GTPBP1: variants seen among roughly 807,000 people sequenced by gnomAD.
The protein encoded by GTPBP1 is GTP binding protein 1.
A neutral mutation model predicts 62.0 loss-of-function variants in GTPBP1; 23 were observed. That is an observed-to-expected ratio of 0.37 (90% CI 0.27 to 0.53). GTPBP1 has a LOEUF of 0.53. GTPBP1 is among the 20% of genes least tolerant of loss of function. GTPBP1 has a pLI of 0.89. For synonymous variants in GTPBP1, 344 were observed against 364.4 expected, an observed-to-expected ratio of 0.94 and a Z score of 0.64; for missense variants, 640 against 917.3, an observed-to-expected ratio of 0.70 and a Z score of 3.90.
chr22:38,716,083 G>T lies in GTPBP1; in HGVS notation c.481G>T (p.Val161Phe), dbSNP rs1403582754. 6.3e-7 allele frequency: 1 copy of T among 1,590,782 alleles called. No homozygotes were observed. The highest frequency in any genetic ancestry group is 1.1e-5 in the South Asian group (1 of 88,966). ...KRVGDNDFLEVRVAVVGNVDA... is the reference protein window; with the variant it reads ...KRVGDNDFLEFRVAVVGNVDA... ...AGTAGGAGACAATGACTTCCTGGAG[G>T]TCAGGTGAGGAGGCCGCGGGACATT... The change falls in exon 3 of 12, where the codon GTC becomes TTC. Residue 161 changes from valine to phenylalanine, a missense_variant. Transcript: ENST00000216044. This position sits in a 1 kb window ranked among gnomAD's most constrained non-coding sequence, Gnocchi z 5.2.
In GTPBP1 at chr22:38,706,014, C is replaced by A. The variant is rs565933238; in HGVS notation, c.59C>A (p.Ala20Asp). 4 of 1,438,878 alleles carry A rather than the reference C, an allele frequency of 2.8e-6. No homozygotes were observed. The South Asian group carries it at 5.3e-5, about 19-fold the overall frequency. 89.1% of individuals were successfully genotyped at this position (1,438,878 alleles called of 1,614,324 possible). A position where few individuals can be genotyped will look rare whatever the true frequency, so the allele number is the denominator to read the frequency against. Residue 20 changes from alanine to aspartate, a missense_variant, in exon 1 of 12, where the codon GCC (alanine) becomes GAC (aspartate). Ala to Asp is a moderately radical substitution (Grantham distance 126). Transcript: ENST00000216044. ...TCGCCGGTCCCGGCCTCTATGTTCGCCCCCGAGCCCAGCTCCCCGGGGGCG... is the reference window on the plus strand; with the variant it reads ...TCGCCGGTCCCGGCCTCTATGTTCGACCCCGAGCCCAGCTCCCCGGGGGCG... ...MDSPVPASMF[A>D]PEPSSPGAAR...
chr22:38,741,120 C>T, downstream of GTPBP1: 2 of 1,521,282 alleles, frequency 1.3e-6, no homozygotes, highest in East Asian at 2.4e-5. Context: ...GTAGGATCTG[C>T]TGTCTGTTAG....
downstream of GTPBP1, chr22:38,738,606 G>C: frequency 6.2e-7 from 1 of 1,613,622 alleles, no homozygotes; most frequent in Non-Finnish European, 8.5e-7. The surrounding 1 kb of genome is among the most constrained non-coding windows in gnomAD (Gnocchi z 6.6). Context: ...GAAGTCCTTG[G>C]GGGCACTGGA....
chr22:38,742,896 A>T, downstream of GTPBP1: 1 of 229,288 alleles, frequency 4.4e-6, no homozygotes, highest in Non-Finnish European at 8.6e-6. Context: ...GGATGGCTGC[A>T]GGGGGCCGTG....
intron 2 of GTPBP1, among the ~76,000 whole-genome samples, chr22:38,714,884 C>T (rs2092660989): frequency 6.6e-6 from 1 of 152,130 alleles, no homozygotes; most frequent in Non-Finnish European, 1.5e-5. Context: ...TGGAAAGCAG[C>T]TGACGGGTTG....
At chr22:38,717,931 T>C (rs2092679793) in intron 4 of GTPBP1, among the ~76,000 whole-genome samples, 2 of 152,210 alleles carry the variant, frequency 1.3e-5, no homozygotes, top group Admixed American at 1.3e-4. Flanking sequence ...TCCCCATTTC[T>C]CGATTCCTTC....
chr22:38,709,073 A>T, intron 2 of GTPBP1, 117 bp downstream of exon 2: 1 of 615,978 alleles, frequency 1.6e-6, no homozygotes, highest in South Asian at 1.7e-5. Flanking sequence ...ACCTGAGGTC[A>T]GGAGTTCGAG....
chr22:38,742,423 C>T, downstream of GTPBP1: 1 of 1,613,394 alleles, frequency 6.2e-7, no homozygotes, highest in East Asian at 2.2e-5. Flanking sequence ...CCTCCCTGGC[C>T]AGGAGCCCCT....
rs778045323 is a variant in GTPBP1, at chr22:38,726,345, A to T, written c.1306A>T (p.Asn436Tyr). The change falls in exon 8 of 12, where the codon AAC (asparagine) becomes TAC (tyrosine). Residue 436 changes from asparagine to tyrosine, a missense_variant. Asn to Tyr is a moderately radical substitution (Grantham distance 143). Coordinates refer to ENST00000216044, the MANE Select transcript of GTPBP1 (RefSeq NM_004286.5). The surrounding 1 kb of genome is among the most constrained non-coding windows in gnomAD (Gnocchi z 4.1). ...TLLLGPDPLG[N>Y]FLSIAVKSIH... is the part of the protein sequence containing the mutation. Reference sequence around the variant, plus strand: ...GCTGCTGGGCCCAGACCCCTTGGGTAACTTCCTGTCCATTGCTGTCAAATC... The same window carrying T: ...GCTGCTGGGCCCAGACCCCTTGGGTTACTTCCTGTCCATTGCTGTCAAATC... 1 of 1,614,076 alleles carries T rather than the reference A, an allele frequency of 6.2e-7. No individual in the cohort carries two copies. The highest frequency in any genetic ancestry group is 1.7e-5 in the Admixed American group (1 of 60,012).
chr22:38,742,071 A>G (rs1322448159), downstream of GTPBP1, among the ~76,000 whole-genome samples: 1 of 151,804 alleles, frequency 6.6e-6, no homozygotes, highest in Non-Finnish European at 1.5e-5. Context: ...TGAACCTGGG[A>G]GGCACAGGTT....
At chr22:38,736,520 T>C (rs1603210623), downstream of GTPBP1, 4 of 621,968 alleles carry the variant, frequency 6.4e-6, no homozygotes, top group Non-Finnish European at 1.1e-5. Flanking sequence ...AGAACCAGGC[T>C]TCAAAAGCTC....
intron 5 of GTPBP1, chr22:38,722,893 G>C (rs992498886): frequency 7.8e-7 from 1 of 1,280,686 alleles, no homozygotes; most frequent in Non-Finnish European, 1.1e-6. Context: ...TCCACGCTTC[G>C]GCCCACTGGG....
Position 38,730,385 on chromosome 22 carries a change from C to G in GTPBP1, c.1918-227C>G. ...CTTCTCACACCCTCATCATGTGTGT[C>G]CTACCCACCCTGTAAGGAAGGCAGG... On this transcript the variant is annotated intron_variant, in intron 11 of 11. Coordinates refer to ENST00000216044, the MANE Select transcript of GTPBP1 (RefSeq NM_004286.5). The surrounding 1 kb of genome is among the most constrained non-coding windows in gnomAD (Gnocchi z 5.6). Among the ~76,000 whole-genome samples the G allele has an allele frequency of 6.6e-6, 1 of 152,198 alleles. No individual in the cohort carries two copies. Among genetic ancestry groups the G allele is most frequent in the East Asian group, 1.9e-4 (1 of 5,194 alleles).
chr22:38,708,726 TTTTTA>T, intron 1 of GTPBP1, 114 bp from the exon 2 acceptor site: 1 of 656,216 alleles, frequency 1.5e-6, no homozygotes, highest in South Asian at 1.7e-5. Context: ...CTGTGCAGCC[TTTTTA>T]GATGAGGGTG....
At position 38,727,588 on chromosome 22, in the gene GTPBP1, C is replaced by T. The variant is rs2092733750; in HGVS notation, c.1537+240C>T. On this transcript the variant is annotated intron_variant, in intron 9 of 11. Transcript: ENST00000216044. This position sits in a 1 kb window ranked among gnomAD's most constrained non-coding sequence, Gnocchi z 6.5. ...CTCAGGGACCTCACATGCAATCCTTCAGCAAGGTCTGCTGAACGCTGCTAT... is the reference window on the plus strand; with the variant it reads ...CTCAGGGACCTCACATGCAATCCTTTAGCAAGGTCTGCTGAACGCTGCTAT... Among the ~76,000 whole-genome samples, 2 of 152,206 alleles carry T rather than the reference C, an allele frequency of 1.3e-5. No individual in the cohort carries two copies. The highest frequency in any genetic ancestry group is 1.3e-4 in the Admixed American group (2 of 15,282).
downstream of GTPBP1, chr22:38,737,922 A>G (rs1477060279): frequency 1.5e-6 from 1 of 670,450 alleles, no homozygotes; most frequent in Admixed American, 2.1e-5. The surrounding 1 kb of genome is among the most constrained non-coding windows in gnomAD (Gnocchi z 4.1). Flanking sequence ...CCTCTTGTGT[A>G]AAGCCCACCT....
intron 4 of GTPBP1, among the ~76,000 whole-genome samples, chr22:38,721,341 G>A (rs186232728): frequency 1.3e-5 from 2 of 152,342 alleles, no homozygotes; most frequent in East Asian, 3.9e-4. Flanking sequence ...ACCTCGCAAA[G>A]TGCTGGGGTT....
chr22:38,737,171 C>T (rs1394582953), downstream of GTPBP1, among the ~76,000 whole-genome samples: 1 of 152,146 alleles, frequency 6.6e-6, no homozygotes, highest in African/African-American at 2.4e-5. This position sits in a 1 kb window ranked among gnomAD's most constrained non-coding sequence, Gnocchi z 4.1. Context: ...AAGAGAAATC[C>T]CAACCTCTCT....
intron 5 of GTPBP1, chr22:38,723,489 C>T: frequency 1.3e-6 from 1 of 774,426 alleles, no homozygotes; most frequent in Non-Finnish European, 2.2e-6. Context: ...AGTAGCCTTC[C>T]CACAGCAGCT....
Sources: allele counts gnomAD v4.1 joint callset (sites outside exome capture counted in the v4.1 genomes callset), GRCh38; gene constraint gnomAD v4.1.1; non-coding constraint Gnocchi (gnomAD v3.1); transcripts MANE v1.5; gene names NCBI Gene and HGNC (gene_info 2026-07-23, HGNC 2026-07-21).